RGS17: variants seen among roughly 807,000 people sequenced by gnomAD.
The protein encoded by RGS17 is regulator of G-protein signaling 17.
Under a neutral mutation model 25.5 loss-of-function variants are expected in RGS17, and 12 were observed. The ratio of observed to expected loss-of-function variants is 0.47; its 90% confidence interval spans 0.30 to 0.76. The LOEUF is 0.76. RGS17 is among the 30% of genes least tolerant of loss of function. RGS17 has a pLI of 0.07. For missense variants in RGS17, 196 were observed against 242.2 expected, an observed-to-expected ratio of 0.81 and a Z score of 1.27; for synonymous variants, 71 against 76.9, an observed-to-expected ratio of 0.92 and a Z score of 0.40.
At chr6:153,012,213 C>G (rs1779141622) in intron 4 of RGS17, among the ~76,000 whole-genome samples, 2 of 152,196 alleles carry the variant, frequency 1.3e-5, no homozygotes, top group South Asian at 4.1e-4. Context: ...AAAATGCCAA[C>G]TCCCCACAGT....
At chr6:153,102,989 C>T (rs1777326636) in intron 1 of RGS17, among the ~76,000 whole-genome samples, 1 of 152,286 alleles carries the variant, frequency 6.6e-6, no homozygotes, top group African/African-American at 2.4e-5. Context: ...TATTGAAAAG[C>T]ATTATGGTGG....
chr6:153,024,057 CTAGAGA>C (rs1384448722), intron 4 of RGS17, among the ~76,000 whole-genome samples, 199 bp downstream of exon 4: 1 of 152,164 alleles, frequency 6.6e-6, no homozygotes, highest in South Asian at 2.1e-4. Flanking sequence ...CACAAGTCAG[CTAGAGA>C]TAAACAGTCA....
Position 153,080,260 on chromosome 6 carries a change from G to A in RGS17, c.-25-36217C>T, listed in dbSNP as rs528063422. ...CTCCCAAAGTGCTGGGATTACAGGC[G>A]TGCGCCACCATGCCCAGCCTCTGTT... On this transcript the variant is annotated intron_variant, in intron 1 of 4. Transcript: ENST00000206262. 2.2e-3 allele frequency among the ~76,000 whole-genome samples: 342 copies of A among 152,282 alleles called. 3 individuals are homozygous for A. Among genetic ancestry groups the A allele is most frequent in the African/African-American group, 7.8e-3 (324 of 41,560 alleles).
intron 3 of RGS17, among the ~76,000 whole-genome samples, chr6:153,024,923 T>C (rs1363571519): frequency 1.3e-5 from 2 of 152,206 alleles, no homozygotes; most frequent in Non-Finnish European, 2.9e-5. Flanking sequence ...ATACAGTTTT[T>C]TTTTCTCATC....
At chr6:153,073,913 C>T (rs1776841964) in intron 1 of RGS17, among the ~76,000 whole-genome samples, 1 of 152,070 alleles carries the variant, frequency 6.6e-6, no homozygotes. Context: ...ACCATTTTCC[C>T]TCAGGTTCTG....
Position 153,025,711 on chromosome 6 carries a change from T to A in RGS17, c.209+743A>T, listed in dbSNP as rs894210716. On this transcript the variant is annotated intron_variant, in intron 3 of 4. Coordinates refer to ENST00000206262, the MANE Select transcript of RGS17 (RefSeq NM_012419.5). ...ACATATATATAAAAACATATATATA[T>A]AAACATATATATAAACATATATATG... 2.2e-4 allele frequency among the ~76,000 whole-genome samples: 30 copies of A among 134,054 alleles called. 1 individual carries two copies. The highest frequency in any genetic ancestry group is 7.4e-5 in the Admixed American group (1 of 13,436). 87.9% of individuals were successfully genotyped at this position (134,054 alleles called of 152,430 possible).
intron 1 of RGS17, among the ~76,000 whole-genome samples, chr6:153,068,469 A>G (rs1776740485): frequency 6.6e-6 from 1 of 152,110 alleles, no homozygotes; most frequent in Non-Finnish European, 1.5e-5. Flanking sequence ...TGAATTAAAG[A>G]CTTCATCTAA....
intron 1 of RGS17, among the ~76,000 whole-genome samples, chr6:153,088,268 C>T (rs1238263386): frequency 4.6e-5 from 7 of 152,148 alleles, no homozygotes; most frequent in Non-Finnish European, 8.8e-5. Flanking sequence ...TAAACTGTGC[C>T]TCAATTCCTG....
At chr6:153,123,037 C>T (rs1303963734) in intron 1 of RGS17, among the ~76,000 whole-genome samples, 1 of 151,516 alleles carries the variant, frequency 6.6e-6, no homozygotes, top group African/African-American at 2.4e-5. Flanking sequence ...CTCCAATGTA[C>T]ACTGGAGTAA....
chr6:153,091,200 T>A (rs1777125035), intron 1 of RGS17, among the ~76,000 whole-genome samples: 1 of 152,228 alleles, frequency 6.6e-6, no homozygotes, highest in African/African-American at 2.4e-5. Context: ...TCATTAATCT[T>A]ACTTCAGAAT....
At position 153,044,038 on chromosome 6, in the gene RGS17, A is replaced by C. The variant is rs780657063; in HGVS notation, c.-20T>G. 2.6e-6 allele frequency: 4 copies of C among 1,527,844 alleles called. No individual in the cohort carries two copies. In the African/African-American group the frequency reaches 5.5e-5, roughly 21 times the overall value. The allele number at this position is 1,527,844 out of a possible 1,614,324, so 94.6% of individuals were successfully genotyped here. ...TCGCATTTCAGCTACTTCAGGACCCAGTTGGCTGAAAGAGATAAAACAAAA... is the reference window on the plus strand; with the variant it reads ...TCGCATTTCAGCTACTTCAGGACCCCGTTGGCTGAAAGAGATAAAACAAAA... On this transcript the variant is annotated 5_prime_UTR_variant, in exon 2 of 5. Coordinates refer to ENST00000206262, the MANE Select transcript of RGS17 (RefSeq NM_012419.5).
chr6:153,075,766 A>T (rs1394001614), intron 1 of RGS17, among the ~76,000 whole-genome samples: 1 of 152,226 alleles, frequency 6.6e-6, no homozygotes, highest in Non-Finnish European at 1.5e-5. Context: ...ATATGTGTTA[A>T]ATGAGAAATG....
intron 1 of RGS17, among the ~76,000 whole-genome samples, chr6:153,117,828 C>T (rs955326120): frequency 3.3e-5 from 5 of 152,214 alleles, no homozygotes; most frequent in Non-Finnish European, 7.3e-5. Flanking sequence ...ATATCAATCA[C>T]TGGCACTGCT....
chr6:153,043,850 C>G (rs1562318813), intron 2 of RGS17, 50 bp downstream of exon 2: 1 of 1,150,418 alleles, frequency 8.7e-7, no homozygotes, highest in Non-Finnish European at 1.3e-6. Context: ...CATGTTCACA[C>G]TAGTGCCTGC....
intron 1 of RGS17, among the ~76,000 whole-genome samples, chr6:153,085,162 G>A (rs1241187610): frequency 6.6e-6 from 1 of 152,068 alleles, no homozygotes; most frequent in Admixed American, 6.5e-5. Flanking sequence ...TTTCTATCTT[G>A]TATAGTATCC....
intron 1 of RGS17, among the ~76,000 whole-genome samples, chr6:153,047,170 A>C (rs1454442370): frequency 6.6e-6 from 1 of 152,208 alleles, no homozygotes; most frequent in Non-Finnish European, 1.5e-5. Context: ...AAACTCACTG[A>C]GTTGATTACT....
chr6:153,052,422 C>G (rs1240371499), intron 1 of RGS17, among the ~76,000 whole-genome samples: 4 of 152,210 alleles, frequency 2.6e-5, no homozygotes, highest in Non-Finnish European at 5.9e-5. Context: ...GATATCTATT[C>G]TACATCTGTC....
Position 153,005,186 on chromosome 6 carries a change from T to C in RGS17, c.*6388A>G, listed in dbSNP as rs1026352450. The C allele has an allele frequency of 7.9e-5, 12 of 152,350 alleles. No individual in the cohort carries two copies. Among genetic ancestry groups the C allele is most frequent in the Middle Eastern group, 3.4e-3 (1 of 294 alleles). The allele number at this position is 152,350 out of a possible 1,614,324, so 9.4% of individuals were successfully genotyped here. A position where few individuals can be genotyped will look rare whatever the true frequency, so the allele number is the denominator to read the frequency against. On this transcript the variant is annotated 3_prime_UTR_variant, in exon 5 of 5. Transcript: ENST00000206262. ...TAGTTTAAATTTAAATTACCTCTTA[T>C]GACAATTAGTAAGATAAGATCTTTA...
At chr6:153,048,240 AG>A (rs1584133091) in intron 1 of RGS17, among the ~76,000 whole-genome samples, 1 of 152,260 alleles carries the variant, frequency 6.6e-6, no homozygotes, top group Non-Finnish European at 1.5e-5. Flanking sequence ...CTGAATGAAA[AG>A]CCTCATCCTT....
Sources: gnomAD v4.1 joint callset for allele counts (sites outside exome capture counted in the v4.1 genomes callset) on GRCh38, gnomAD v4.1.1 for gene constraint, MANE v1.5 for transcripts, NCBI Gene and HGNC (gene_info 2026-07-23, HGNC 2026-07-21) for gene names.